DLGAP1: variants seen among roughly 807,000 people sequenced by gnomAD.
DLGAP1 encodes the protein DLG associated protein 1.
In DLGAP1, 11 loss-of-function variants were observed where a neutral mutation model predicts 90.8. The ratio of observed to expected loss-of-function variants is 0.12; its 90% CI spans 0.08 to 0.20. DLGAP1 has a LOEUF of 0.20. Ranked by LOEUF, DLGAP1 falls within the 10% of genes least tolerant of loss-of-function variation. DLGAP1 has a pLI of 1.00. For missense variants in DLGAP1, 1,050 were observed against 1,333.8 expected, an observed-to-expected ratio of 0.79 and a Z score of 3.31; for synonymous variants, 558 against 540.7, an observed-to-expected ratio of 1.03 and a Z score of -0.44.
intron 7 of DLGAP1, among the ~76,000 whole-genome samples, chr18:3,650,854 G>A (rs191652572): frequency 6.6e-6 from 1 of 152,098 alleles, no homozygotes; most frequent in East Asian, 1.9e-4. Context: ...GGATCATGAG[G>A]TCAGGAGTTG....
At chr18:3,801,714 A>G (rs1178581234) in intron 5 of DLGAP1, among the ~76,000 whole-genome samples, 3 of 152,152 alleles carry the variant, frequency 2.0e-5, no homozygotes, top group Non-Finnish European at 2.9e-5. Flanking sequence ...TGGGGGGTTA[A>G]AATTAGATAT....
At chr18:4,036,751 A>G (rs2074895482) in intron 2 of DLGAP1, among the ~76,000 whole-genome samples, 1 of 151,924 alleles carries the variant, frequency 6.6e-6, no homozygotes, top group Non-Finnish European at 1.5e-5. Context: ...TCAGGGGGGG[A>G]AGGCCTGAAA....
intron 1 of DLGAP1, among the ~76,000 whole-genome samples, chr18:4,339,983 A>G (rs1306849770): frequency 6.6e-6 from 1 of 152,202 alleles, no homozygotes; most frequent in Non-Finnish European, 1.5e-5. Context: ...GTTTTATGTT[A>G]CATTGGTCTT....
intron 7 of DLGAP1, among the ~76,000 whole-genome samples, chr18:3,657,696 G>A (rs556880975): frequency 5.3e-5 from 8 of 150,182 alleles, no homozygotes; most frequent in Non-Finnish European, 7.4e-5. Context: ...TCCGCCTCCC[G>A]GGTTCACGCC....
intron 10 of DLGAP1, among the ~76,000 whole-genome samples, chr18:3,514,188 C>A (rs993166188): frequency 6.6e-6 from 1 of 151,166 alleles, no homozygotes; most frequent in African/African-American, 2.4e-5. Flanking sequence ...CTCACTGCAA[C>A]CTCCAACTCC....
chr18:4,235,719 C>CTTTTTTTT lies in DLGAP1; in HGVS notation c.-266-84440_-266-84433dup, dbSNP rs1175101805. Reference sequence around the variant, plus strand: ...GTTTTATAAATTTCAATTTCAATGTCTTTTTTTTTTTTTTTTTTTTTTTTG... The same window carrying CTTTTTTTT: ...GTTTTATAAATTTCAATTTCAATGTCTTTTTTTTTTTTTTTTTTTTTTTTTTTTTTTTG... On this transcript the variant is annotated intron_variant, in intron 1 of 12. Coordinates refer to ENST00000315677, the MANE Select transcript of DLGAP1 (RefSeq NM_004746.4). Among the ~76,000 whole-genome samples the CTTTTTTTT allele has an allele frequency of 1.5e-3, 121 of 80,244 alleles. 9 individuals carry two copies. Among genetic ancestry groups the CTTTTTTTT allele is most frequent in the African/African-American group, 3.6e-3 (72 of 19,820 alleles). 52.6% of individuals were successfully genotyped at this position (80,244 alleles called of 152,430 possible). A position where few individuals can be genotyped will look rare whatever the true frequency, so the allele number is the denominator to read the frequency against.
intron 1 of DLGAP1, among the ~76,000 whole-genome samples, chr18:4,368,486 C>T (rs1044486368): frequency 4.6e-5 from 7 of 152,236 alleles, no homozygotes; most frequent in East Asian, 1.9e-4. Flanking sequence ...ATCCCAAGAG[C>T]GAAGGAATTC....
rs376722007 is a variant in DLGAP1, at chr18:4,137,147, G to A, written c.-159+14033C>T. Among the ~76,000 whole-genome samples the A allele has an allele frequency of 2.8e-4, 42 of 152,102 alleles. 3 individuals are homozygous for A. The highest frequency in any genetic ancestry group is 5.9e-4 in the Admixed American group (9 of 15,264). On this transcript the variant is annotated intron_variant, in intron 2 of 12. Coordinates refer to ENST00000315677, the MANE Select transcript of DLGAP1 (RefSeq NM_004746.4). The stretch of plus-strand genomic sequence containing the variant: ...TTCCCACCTATGAGTGAGAACATGC[G>A]GTGTTTGGTTTTTCGTCCTTGCGAT...
intron 1 of DLGAP1, among the ~76,000 whole-genome samples, chr18:4,416,219 C>T (rs907233481): frequency 7.2e-5 from 11 of 152,102 alleles, no homozygotes; most frequent in Non-Finnish European, 1.5e-4. Context: ...ACAATATTAT[C>T]TATCCTGTCA....
At chr18:4,253,072 T>C (rs930745534) in intron 1 of DLGAP1, among the ~76,000 whole-genome samples, 1 of 152,216 alleles carries the variant, frequency 6.6e-6, no homozygotes, top group African/African-American at 2.4e-5. Context: ...CGGTGTTACG[T>C]AGCTGTATAT....
intron 1 of DLGAP1, among the ~76,000 whole-genome samples, chr18:4,446,522 A>G (rs566316139): frequency 1.3e-5 from 2 of 152,268 alleles, no homozygotes; most frequent in African/African-American, 4.8e-5. Flanking sequence ...AATTAAGACT[A>G]AGAGAAGATG....
chr18:4,249,937 C>A (rs2078746384), intron 1 of DLGAP1, among the ~76,000 whole-genome samples: 1 of 152,198 alleles, frequency 6.6e-6, no homozygotes, highest in Admixed American at 6.5e-5. Flanking sequence ...ACTCTTCTCT[C>A]TCTGTCCTAT....
intron 2 of DLGAP1, among the ~76,000 whole-genome samples, chr18:4,144,432 C>T (rs1428033534): frequency 1.3e-5 from 2 of 152,152 alleles, no homozygotes; most frequent in Non-Finnish European, 1.5e-5. Flanking sequence ...ACTGTGTTCT[C>T]CCTCCCCCCA....
intron 4 of DLGAP1, among the ~76,000 whole-genome samples, chr18:3,828,815 A>G (rs1369022840): frequency 1.3e-5 from 2 of 152,084 alleles, no homozygotes; most frequent in African/African-American, 2.4e-5. Flanking sequence ...CTATGACCCA[A>G]AGTCGATGGA....
At position 4,191,173 on chromosome 18, in the gene DLGAP1, C is replaced by T. The variant is rs149717802; in HGVS notation, c.-266-39886G>A. 5.4e-3 allele frequency among the ~76,000 whole-genome samples: 820 copies of T among 152,090 alleles called. 6 individuals carry two copies. Among genetic ancestry groups the T allele is most frequent in the Middle Eastern group, 0.048 (14 of 294 alleles). On this transcript the variant is annotated intron_variant, in intron 1 of 12. Transcript: ENST00000315677. The stretch of plus-strand genomic sequence containing the variant: ...GCACATCAAGATATGTTTGCCATAA[C>T]GACAGATGAAAATGACATTTTTCTC...
chr18:4,338,447 C>G (rs562979093), intron 1 of DLGAP1, among the ~76,000 whole-genome samples: 1 of 152,070 alleles, frequency 6.6e-6, no homozygotes, highest in Non-Finnish European at 1.5e-5. Context: ...TTTTATTATC[C>G]TTGTAACACA....
intron 1 of DLGAP1, among the ~76,000 whole-genome samples, chr18:4,451,929 G>A (rs28758384): frequency 7.0e-4 from 107 of 152,282 alleles, no homozygotes; most frequent in African/African-American, 2.5e-3. Flanking sequence ...TTGGGGAAAC[G>A]TGTTTAGGTT....
chr18:3,583,176 ACCTACCTACCTT>A (rs1217250396), intron 7 of DLGAP1, among the ~76,000 whole-genome samples: 19 of 132,042 alleles, frequency 1.4e-4, no homozygotes, highest in African/African-American at 5.7e-4. Context: ...CTACCTACCT[ACCTACCTACCTT>A]CCTTCCTTCC....
chr18:3,576,095 G>A (rs1175964304), intron 8 of DLGAP1, among the ~76,000 whole-genome samples: 1 of 152,152 alleles, frequency 6.6e-6, no homozygotes. Flanking sequence ...CTTCGACACT[G>A]CGGCCAGGAC....
Sources: allele counts gnomAD v4.1 joint callset (sites outside exome capture counted in the v4.1 genomes callset), GRCh38; gene constraint gnomAD v4.1.1; transcripts MANE v1.5; gene names NCBI Gene and HGNC (gene_info 2026-07-23, HGNC 2026-07-21).